Variants in RNF180 observed in about 807,000 individuals in gnomAD.
RNF180 encodes E3 ubiquitin-protein ligase RNF180.
Under a neutral mutation model 59.2 loss-of-function variants are expected in RNF180, and 38 were observed. That is an observed-to-expected ratio of 0.64 (90% CI 0.50 to 0.84). The LOEUF is 0.84. RNF180 is among the 40% of genes least tolerant of loss of function. RNF180 has a pLI of 0.00. For missense variants in RNF180, 705 were observed against 700.9 expected, an observed-to-expected ratio of 1.01 and a Z score of -0.07; for synonymous variants, 262 against 240.3, an observed-to-expected ratio of 1.09 and a Z score of -0.84.
chr5:64,327,677 C>A (rs994449144), intron 6 of RNF180, among the ~76,000 whole-genome samples: 1 of 152,088 alleles, frequency 6.6e-6, no homozygotes, highest in South Asian at 2.1e-4. Flanking sequence ...TGTTATACTT[C>A]TTTTGTTCTA....
intron 1 of RNF180, among the ~76,000 whole-genome samples, chr5:64,172,000 A>C (rs1461218311): frequency 6.6e-6 from 1 of 152,202 alleles, no homozygotes; most frequent in African/African-American, 2.4e-5. Flanking sequence ...CTTACCTGCT[A>C]TTCAGCCTCA....
At chr5:64,253,305 T>C (rs1743704094) in intron 5 of RNF180, among the ~76,000 whole-genome samples, 1 of 152,142 alleles carries the variant, frequency 6.6e-6, no homozygotes, top group South Asian at 2.1e-4. Flanking sequence ...TCCTGTAAAA[T>C]AGAAGAAATT....
chr5:64,304,350 T>G (rs1257229761), intron 5 of RNF180, among the ~76,000 whole-genome samples: 1 of 151,614 alleles, frequency 6.6e-6, no homozygotes, highest in Non-Finnish European at 1.5e-5. Flanking sequence ...TAGATAGTGA[T>G]GCCTGTGATG....
intron 5 of RNF180, among the ~76,000 whole-genome samples, chr5:64,227,290 T>C (rs1741827774): frequency 6.6e-6 from 1 of 152,166 alleles, no homozygotes; most frequent in Non-Finnish European, 1.5e-5. Flanking sequence ...CGAGATCAGC[T>C]GGTCCCAGGG....
At chr5:64,281,774 G>A (rs1014096721) in intron 5 of RNF180, among the ~76,000 whole-genome samples, 1 of 152,170 alleles carries the variant, frequency 6.6e-6, no homozygotes, top group East Asian at 1.9e-4. Flanking sequence ...GGGATTACAG[G>A]TCTAAGCCAC....
Position 64,212,103 on chromosome 5 carries a change from T to C in RNF180, c.174T>C (p.His58=). Residue 58 remains histidine, a synonymous_variant, in exon 3 of 8, where the codon CAT becomes CAC. Coordinates refer to ENST00000389100, the MANE Select transcript of RNF180 (RefSeq NM_001113561.2). ...DDSVDAQNIC[H]VWHMNVEALP... Reference sequence around the variant, plus strand: ...CAGTTGATGCTCAAAATATTTGTCATGTGTGGCACATGAATGTAGAAGCCC... The same window carrying C: ...CAGTTGATGCTCAAAATATTTGTCACGTGTGGCACATGAATGTAGAAGCCC... 6.2e-7 allele frequency: 1 copy of C among 1,608,260 alleles called. No individual in the cohort carries two copies. The highest frequency in any genetic ancestry group is 8.5e-7 in the Non-Finnish European group (1 of 1,174,866).
In RNF180 at chr5:64,346,198, CATCTT is replaced by C. The variant is rs139548340; in HGVS notation, c.1579+15798_1579+15802del. 8.7e-3 allele frequency among the ~76,000 whole-genome samples: 1,321 copies of C among 151,696 alleles called. 17 individuals carry two copies. The highest frequency in any genetic ancestry group is 0.03 in the African/African-American group (1,259 of 41,396). On this transcript the variant is annotated intron_variant, in intron 7 of 7. Coordinates refer to ENST00000389100, the MANE Select transcript of RNF180 (RefSeq NM_001113561.2). ...ACCATTATTATGAAACAGAACTTTT[CATCTT>C]ATCTTGGAAAATTCCAAGGTCCTCA...
chr5:64,299,109 G>C (rs535747755), intron 5 of RNF180, among the ~76,000 whole-genome samples: 171 of 152,002 alleles, frequency 1.1e-3, no homozygotes, highest in Non-Finnish European at 2.1e-3. Context: ...TGTCCTTTGC[G>C]CCATGCGAGG....
intron 7 of RNF180, among the ~76,000 whole-genome samples, chr5:64,350,219 G>A (rs1745740635): frequency 6.6e-6 from 1 of 152,100 alleles, no homozygotes; most frequent in African/African-American, 2.4e-5. Context: ...GTCTTCTTTT[G>A]AGAAGTGTCT....
intron 7 of RNF180, among the ~76,000 whole-genome samples, chr5:64,340,269 A>G (rs1745306510): frequency 6.6e-6 from 1 of 152,210 alleles, no homozygotes; most frequent in Non-Finnish European, 1.5e-5. Context: ...GGAATTTTTA[A>G]CAAGAATTAA....
At chr5:64,293,551 A>G (rs1476717998) in intron 5 of RNF180, among the ~76,000 whole-genome samples, 1 of 152,110 alleles carries the variant, frequency 6.6e-6, no homozygotes, top group Admixed American at 6.5e-5. Context: ...ATCATTAAAT[A>G]TATTATTCTG....
chr5:64,225,709 C>T (rs11739320), intron 5 of RNF180, among the ~76,000 whole-genome samples: 19 of 129,486 alleles, frequency 1.5e-4, no homozygotes, highest in South Asian at 2.6e-4. Context: ...TCTGCCTGGC[C>T]GCCCCGTCTG....
chr5:64,308,493 A>G (rs759586695), intron 5 of RNF180, among the ~76,000 whole-genome samples: 1 of 151,746 alleles, frequency 6.6e-6, no homozygotes, highest in Non-Finnish European at 1.5e-5. Flanking sequence ...ACAAAGTTAT[A>G]TATTGATTAT....
At chr5:64,176,598 A>G (rs1344734028) in intron 1 of RNF180, among the ~76,000 whole-genome samples, 2 of 152,136 alleles carry the variant, frequency 1.3e-5, no homozygotes, top group Non-Finnish European at 2.9e-5. Context: ...TGGCTGAGGA[A>G]ATTGAAACTC....
intron 5 of RNF180, among the ~76,000 whole-genome samples, chr5:64,271,088 G>C (rs1052588293): frequency 6.6e-6 from 1 of 151,932 alleles, no homozygotes; most frequent in Non-Finnish European, 1.5e-5. Context: ...CATGTGCTTG[G>C]TAATGATTGA....
At chr5:64,271,172 C>T (rs1026063323) in intron 5 of RNF180, among the ~76,000 whole-genome samples, 1 of 151,908 alleles carries the variant, frequency 6.6e-6, no homozygotes, top group Non-Finnish European at 1.5e-5. Context: ...TAAAAAACTA[C>T]AACTAAGTGT....
At chr5:64,346,123 C>G (rs187906669) in intron 7 of RNF180, among the ~76,000 whole-genome samples, 2 of 151,950 alleles carry the variant, frequency 1.3e-5, no homozygotes, top group East Asian at 3.9e-4. Flanking sequence ...TAATCTTAAT[C>G]TAAAATTTCA....
chr5:64,202,174 G>A (rs1751788604), intron 2 of RNF180, among the ~76,000 whole-genome samples: 1 of 152,126 alleles, frequency 6.6e-6, no homozygotes, highest in African/African-American at 2.4e-5. Flanking sequence ...TGCAGGCAGT[G>A]GTCTCCCTCT....
intron 5 of RNF180, among the ~76,000 whole-genome samples, chr5:64,243,769 T>C (rs1291401578): frequency 6.6e-6 from 1 of 152,092 alleles, no homozygotes; most frequent in African/African-American, 2.4e-5. Context: ...CTCAAGTGGG[T>C]CCCTGACCCC....
Sources: allele counts gnomAD v4.1 joint callset (sites outside exome capture counted in the v4.1 genomes callset), GRCh38; gene constraint gnomAD v4.1.1; transcripts MANE v1.5; gene names NCBI Gene and HGNC (gene_info 2026-07-23, HGNC 2026-07-21).